MELK: variants seen among roughly 807,000 people sequenced by gnomAD.
The protein encoded by MELK is maternal embryonic leucine zipper kinase.
Under a neutral mutation model 85.0 loss-of-function variants are expected in MELK, and 81 were observed. That is an observed-to-expected ratio of 0.95 (90% CI 0.80 to 1.15). The LOEUF is 1.15. Ranked by LOEUF, MELK falls within the 50% of genes most tolerant of loss-of-function variation. The pLI is 0.00. For synonymous variants in MELK, 252 were observed against 265.0 expected (o/e 0.95, Z 0.48); for missense variants, 754 against 777.5 (o/e 0.97, Z 0.36).
intron 8 of MELK, among the ~76,000 whole-genome samples, chr9:36,624,144 C>T (rs144465597): frequency 0.019 from 2,830 of 145,466 alleles, 80 homozygotes; most frequent in African/African-American, 0.066. Context: ...AGTGCAGTGG[C>T]GTGATCTCGG....
intron 13 of MELK, among the ~76,000 whole-genome samples, chr9:36,662,901 T>C (rs1831993532): frequency 6.6e-6 from 1 of 152,188 alleles, no homozygotes; most frequent in Non-Finnish European, 1.5e-5. Flanking sequence ...CTGTGTGGTG[T>C]CTCTGTGGAT....
intron 10 of MELK, among the ~76,000 whole-genome samples, chr9:36,637,164 A>G (rs1829304512): frequency 1.3e-5 from 2 of 152,034 alleles, no homozygotes; most frequent in Non-Finnish European, 2.9e-5. Flanking sequence ...AAAGAGGATA[A>G]GCCCTAGTGC....
At chr9:36,661,642 A>C (rs1482191866) in intron 13 of MELK, among the ~76,000 whole-genome samples, 5 of 152,308 alleles carry the variant, frequency 3.3e-5, no homozygotes, top group South Asian at 2.1e-4. Flanking sequence ...TCTCTTTAAA[A>C]ATAACATAGC....
At chr9:36,656,233 A>T (rs150504281) in intron 12 of MELK, among the ~76,000 whole-genome samples, 126 of 152,338 alleles carry the variant, frequency 8.3e-4, no homozygotes, top group Non-Finnish European at 1.5e-3. Flanking sequence ...TATTCTTACA[A>T]AGAAGAAACC....
intron 8 of MELK, among the ~76,000 whole-genome samples, chr9:36,629,379 A>C (rs1828284430): frequency 6.6e-6 from 1 of 152,188 alleles, no homozygotes; most frequent in African/African-American, 2.4e-5. Flanking sequence ...ATGTATTAGC[A>C]TTTAGCCAAG....
At chr9:36,608,423 A>G (rs76830175) in intron 8 of MELK, among the ~76,000 whole-genome samples, 5,932 of 151,234 alleles carry the variant, frequency 0.039, 324 homozygotes, top group African/African-American at 0.11. Context: ...TTGTGTATAT[A>G]TATATATATA....
chr9:36,587,015 A>AT (rs1263216188), intron 3 of MELK, among the ~76,000 whole-genome samples: 2 of 151,158 alleles, frequency 1.3e-5, no homozygotes, highest in South Asian at 2.1e-4. Context: ...CGCCCAGCTA[A>AT]TTTTTTTGTA....
chr9:36,616,616 C>T (rs1271537329), intron 8 of MELK, among the ~76,000 whole-genome samples: 1 of 151,946 alleles, frequency 6.6e-6, no homozygotes, highest in Non-Finnish European at 1.5e-5. Flanking sequence ...TCTCGAACTC[C>T]TGACCTTAGG....
At chr9:36,650,618 A>G (rs1182356130) in intron 11 of MELK, among the ~76,000 whole-genome samples, 1 of 152,244 alleles carries the variant, frequency 6.6e-6, no homozygotes. Flanking sequence ...GTCACTTATC[A>G]GACATGCAAG....
intron 6 of MELK, among the ~76,000 whole-genome samples, chr9:36,597,828 T>A (rs1824462793): frequency 6.6e-6 from 1 of 152,242 alleles, no homozygotes; most frequent in Non-Finnish European, 1.5e-5. Context: ...GTATTGGTGT[T>A]CTCCAGCATA....
rs543732493 is a variant in MELK at position 36,608,417 on chromosome 9, G to GTATA, written c.666+758_666+761dup. 5.9e-3 allele frequency among the ~76,000 whole-genome samples: 869 copies of GTATA among 148,052 alleles called. 5 individuals carry two copies. The East Asian group carries it at 0.066, about 11-fold the overall frequency. ...ATAAATTAAACTTTATCAAACTTGT[G>GTATA]TATATATATATATATATGGAAAGAA... On this transcript the variant is annotated intron_variant, in intron 8 of 17. Coordinates refer to ENST00000298048, the MANE Select transcript of MELK (RefSeq NM_014791.4).
intron 14 of MELK, among the ~76,000 whole-genome samples, chr9:36,668,100 T>C (rs542550822): frequency 1.3e-5 from 2 of 152,322 alleles, no homozygotes; most frequent in East Asian, 3.9e-4. Flanking sequence ...TGAGTTATTT[T>C]TGACATAAAC....
intron 11 of MELK, among the ~76,000 whole-genome samples, chr9:36,643,945 A>AG (rs1284771015): frequency 6.6e-6 from 1 of 151,868 alleles, no homozygotes; most frequent in Non-Finnish European, 1.5e-5. Context: ...AAAAAAAAAA[A>AG]AAAAGAAAAG....
chr9:36,633,333 A>G, intron 10 of MELK, 133 bp downstream of exon 10: 1 of 619,610 alleles, frequency 1.6e-6, no homozygotes, highest in Admixed American at 3.6e-5. Context: ...GAGACTTGTA[A>G]CCTAATGGAC....
chr9:36,578,918 C>T (rs1409919860), intron 1 of MELK, among the ~76,000 whole-genome samples: 2 of 152,154 alleles, frequency 1.3e-5, no homozygotes, highest in African/African-American at 4.8e-5. Context: ...TCTTGGCTCA[C>T]TGCAACCTCT....
intron 17 of MELK, among the ~76,000 whole-genome samples, chr9:36,676,544 C>A (rs1833363169): frequency 6.6e-6 from 1 of 152,156 alleles, no homozygotes; most frequent in African/African-American, 2.4e-5. Context: ...GCAGTTCTAT[C>A]TATAAATGCC....
chr9:36,592,336 G>A (rs1316463274), intron 4 of MELK, among the ~76,000 whole-genome samples: 4 of 151,846 alleles, frequency 2.6e-5, no homozygotes, highest in Admixed American at 2.0e-4. Flanking sequence ...CATCACCCCC[G>A]GTTAATTTTT....
chr9:36,613,964 A>T (rs1485080234), intron 8 of MELK, among the ~76,000 whole-genome samples: 2 of 152,122 alleles, frequency 1.3e-5, no homozygotes, highest in Non-Finnish European at 2.9e-5. Flanking sequence ...TTTTAACAGG[A>T]TCACACTGGC....
chr9:36,593,467 C>A (rs1433933940), intron 4 of MELK, among the ~76,000 whole-genome samples: 2 of 152,122 alleles, frequency 1.3e-5, no homozygotes, highest in Admixed American at 1.3e-4. Context: ...AGCAACAGAA[C>A]CTCACTAGAC....
Sources: allele counts gnomAD v4.1 joint callset (sites outside exome capture counted in the v4.1 genomes callset), GRCh38; gene constraint gnomAD v4.1.1; transcripts MANE v1.5; gene names NCBI Gene and HGNC (gene_info 2026-07-23, HGNC 2026-07-21).